Variants in DUXA observed in about 807,000 individuals in gnomAD.
DUXA encodes double homeobox A.
In DUXA, 25 loss-of-function variants were observed where a neutral mutation model predicts 27.5. That is an observed-to-expected ratio of 0.91 (90% confidence interval 0.66 to 1.27). The LOEUF is 1.27. DUXA is among the 50% of genes most tolerant of loss of function. The pLI is 0.00. For missense variants in DUXA, 247 were observed against 242.9 expected (o/e 1.02, Z -0.11); for synonymous variants, 90 against 80.5 (o/e 1.12, Z -0.63).
Position 57,155,386 on chromosome 19 carries a change from C to A in DUXA, c.439-14G>T. ...TTGGAACCAAATCTAAGTGGTAAGA[C>A]AAAGAAACTTAATTTAAACAAAGAA... On this transcript the variant is annotated splice_polypyrimidine_tract_variant and intron_variant, in intron 4 of 5. Transcript: ENST00000554048. 1 of 1,568,266 alleles carries A rather than the reference C, an allele frequency of 6.4e-7. No individual in the cohort carries two copies. Among genetic ancestry groups the A allele is most frequent in the Non-Finnish European group, 8.8e-7 (1 of 1,140,114 alleles).
chr19:57,161,426 A>G lies in DUXA; in HGVS notation c.26-629T>C, dbSNP rs555676803. On this transcript the variant is annotated intron_variant, in intron 1 of 5. Coordinates refer to ENST00000554048, the MANE Select transcript of DUXA (RefSeq NM_001012729.2). ...ATCACAAGGTCAGGAGATCGAGACC[A>G]TCCTGGCTAACATGATGAAACCCCG... 6.8e-4 allele frequency among the ~76,000 whole-genome samples: 102 copies of G among 149,858 alleles called. 1 individual carries two copies. Among genetic ancestry groups the G allele is most frequent in the Non-Finnish European group, 1.1e-3 (74 of 67,700 alleles).
Position 57,154,446 on chromosome 19 carries a change from C to A in DUXA, c.581G>T (p.Ser194Ile). Residue 194 changes from serine to isoleucine, a missense_variant, in exon 6 of 6, where the codon AGT becomes ATT. Coordinates refer to ENST00000554048, the MANE Select transcript of DUXA (RefSeq NM_001012729.2). Reference sequence around the variant, plus strand: ...TCTGGCTCCAGAGAAATGAGAGTCACTAGTGAAGTTGGTGCCATTTTGTGT... The same window carrying A: ...TCTGGCTCCAGAGAAATGAGAGTCAATAGTGAAGTTGGTGCCATTTTGTGT... ...EDTQNGTNFTSDSHFSGARTW is the reference protein window; with the variant it reads ...EDTQNGTNFTIDSHFSGARTW The A allele has an allele frequency of 6.2e-7, 1 of 1,613,706 alleles. No individual in the cohort carries two copies. The highest frequency in any genetic ancestry group is 8.5e-7 in the Non-Finnish European group (1 of 1,179,740).
intron 1 of DUXA, among the ~76,000 whole-genome samples, chr19:57,165,859 A>G (rs2087051893): frequency 6.6e-6 from 1 of 151,780 alleles, no homozygotes; most frequent in Admixed American, 6.6e-5. Flanking sequence ...CAAAACAGTT[A>G]AGATATCCTT....
chr19:57,165,917 G>C (rs2087052097), intron 1 of DUXA, among the ~76,000 whole-genome samples: 1 of 151,900 alleles, frequency 6.6e-6, no homozygotes, highest in African/African-American at 2.4e-5. Context: ...AAAAGATGTA[G>C]TGTATCAGAT....
intron 3 of DUXA, 21 bp downstream of exon 3, chr19:57,159,146 A>G: frequency 6.3e-7 from 1 of 1,595,710 alleles, no homozygotes; most frequent in Non-Finnish European, 8.5e-7. Flanking sequence ...GCTGGGGAAC[A>G]GAACTAAGAG....
At chr19:57,167,391 A>T in intron 1 of DUXA, 28 bp downstream of exon 1, 2 of 1,612,676 alleles carry the variant, frequency 1.2e-6, no homozygotes, top group Non-Finnish European at 1.7e-6. Context: ...AAACCAACAA[A>T]AGCTCAGTCA....
chr19:57,164,177 A>T (rs2087039024), intron 1 of DUXA, among the ~76,000 whole-genome samples: 1 of 152,250 alleles, frequency 6.6e-6, no homozygotes, highest in Non-Finnish European at 1.5e-5. Flanking sequence ...AACTGAATTC[A>T]ACAGTAAAAA....
At chr19:57,159,063 CT>C (rs1200070117) in intron 3 of DUXA, 103 bp downstream of exon 3, 1 of 945,202 alleles carries the variant, frequency 1.1e-6, no homozygotes, top group African/African-American at 1.7e-5. Context: ...CCATAAGACC[CT>C]GAACAGGAGG....
At chr19:57,159,855 C>T (rs902834982) in intron 2 of DUXA, among the ~76,000 whole-genome samples, 1 of 151,426 alleles carries the variant, frequency 6.6e-6, no homozygotes, top group African/African-American at 2.4e-5. Flanking sequence ...GTAATCCCAG[C>T]ACTTTGGGAA....
chr19:57,161,983 C>A (rs1480058727), intron 1 of DUXA, among the ~76,000 whole-genome samples: 5 of 152,086 alleles, frequency 3.3e-5, no homozygotes, highest in Non-Finnish European at 5.9e-5. Flanking sequence ...TTCACCTCCA[C>A]AGGCTCAGGT....
rs71186231 is a variant in DUXA at position 57,165,309 on chromosome 19, G to GAA, written c.25+2108_25+2109dup. On this transcript the variant is annotated intron_variant, in intron 1 of 5. Transcript: ENST00000554048. ...CTCAACTTCTACATTTCTGGAGTAGGAAAAAAAAAAAAAAAATATATATAT... is the reference window on the plus strand; with the variant it reads ...CTCAACTTCTACATTTCTGGAGTAGGAAAAAAAAAAAAAAAAAATATATATAT... Among the ~76,000 whole-genome samples, 78 of 116,412 alleles carry GAA rather than the reference G, an allele frequency of 6.7e-4. No homozygotes were observed. The East Asian group carries it at 7.1e-3, about 11-fold the overall frequency. The allele number at this position is 116,412 out of a possible 152,430, so 76.4% of individuals were successfully genotyped here.
chr19:57,167,202 T>C (rs1440610844), intron 1 of DUXA, among the ~76,000 whole-genome samples: 1 of 152,174 alleles, frequency 6.6e-6, no homozygotes, highest in Admixed American at 6.6e-5. Flanking sequence ...CTTATTTAGT[T>C]CTTGAATATC....
At position 57,160,801 on chromosome 19, in the gene DUXA, T is replaced by A. The variant is rs2087016948; in HGVS notation, c.26-4A>T. The A allele has an allele frequency of 1.2e-6, 2 of 1,613,418 alleles. No homozygotes were observed. Among genetic ancestry groups the A allele is most frequent in the Non-Finnish European group, 1.7e-6 (2 of 1,179,880 alleles). On this transcript the variant is annotated splice_polypyrimidine_tract_variant and splice_region_variant and intron_variant, in intron 1 of 5. Transcript: ENST00000554048. ...CTATGATTTGTTTTTACCATCTCTG[T>A]AGGAAGATTACAAAAGAAGAAGCAT...
chr19:57,157,679 T>C (rs551488475), intron 4 of DUXA, among the ~76,000 whole-genome samples: 2 of 152,112 alleles, frequency 1.3e-5, no homozygotes, highest in Non-Finnish European at 2.9e-5. Context: ...ATCTGAAGGA[T>C]ACAGTAGACA....
chr19:57,158,552 C>G, intron 3 of DUXA, 79 bp from the exon 4 acceptor site: 1 of 1,527,344 alleles, frequency 6.5e-7, no homozygotes, highest in Non-Finnish European at 8.9e-7. Flanking sequence ...AACACAGAAC[C>G]CAAACTTGTC....
intron 5 of DUXA, 21 bp from the exon 6 acceptor site, chr19:57,154,503 AG>A (rs1568462572): frequency 6.3e-7 from 1 of 1,591,964 alleles, no homozygotes; most frequent in Admixed American, 1.7e-5. Context: ...AAAAAGATAG[AG>A]GAAAGAATGT....
rs780592735 is a variant in DUXA, at chr19:57,158,503, G to GA, written c.293-31_293-30insT. 5.2e-5 allele frequency: 84 copies of GA among 1,606,912 alleles called. No homozygotes were observed. The South Asian group carries it at 8.8e-4, about 17-fold the overall frequency. ...GGAAGGCATGGAAAGATGGAGGGGG[G>GA]CGGTCAAGGAATATTGCAAGGGTCC... On this transcript the variant is annotated intron_variant, in intron 3 of 5. Coordinates refer to ENST00000554048, the MANE Select transcript of DUXA (RefSeq NM_001012729.2).
Position 57,155,249 on chromosome 19 carries a change from A to C in DUXA, c.544+18T>G, listed in dbSNP as rs775922541. On this transcript the variant is annotated intron_variant, in intron 5 of 5. Coordinates refer to ENST00000554048, the MANE Select transcript of DUXA (RefSeq NM_001012729.2). ...GGGCTCCGCTTGTGAACCACATTGG[A>C]AACAACAGGCTAGTTACCTTGCAGT... is the stretch of plus-strand genomic sequence containing the variant. 4.5e-5 allele frequency: 73 copies of C among 1,610,842 alleles called. No homozygotes were observed. In the Middle Eastern group the frequency reaches 4.9e-4, roughly 11 times the overall value.
At chr19:57,163,733 T>G (rs1000491347) in intron 1 of DUXA, among the ~76,000 whole-genome samples, 8 of 152,160 alleles carry the variant, frequency 5.3e-5, no homozygotes, top group Admixed American at 5.2e-4. Flanking sequence ...CTGGCCAATT[T>G]CTTAAACTTG....
Sources: gnomAD v4.1 joint callset for allele counts (sites outside exome capture counted in the v4.1 genomes callset) on GRCh38, gnomAD v4.1.1 for gene constraint, MANE v1.5 for transcripts, NCBI Gene and HGNC (gene_info 2026-07-23, HGNC 2026-07-21) for gene names.